Variants in MARCHF4 observed in about 807,000 individuals in gnomAD.
MARCHF4 encodes the protein membrane associated ring-CH-type finger 4, also known as E3 ubiquitin-protein ligase MARCHF4.
Under a neutral mutation model 43.9 loss-of-function variants are expected in MARCHF4, and 14 were observed. That is an observed-to-expected ratio of 0.32 (90% CI 0.21 to 0.50). The LOEUF is 0.50. Ranked by LOEUF, MARCHF4 falls within the 20% of genes least tolerant of loss-of-function variation. The pLI is 0.98. For missense variants in MARCHF4, 468 were observed against 536.7 expected, an observed-to-expected ratio of 0.87 and a Z score of 1.27; for synonymous variants, 226 against 213.3, an observed-to-expected ratio of 1.06 and a Z score of -0.52.
chr2:216,295,373 C>T (rs1285458468), intron 1 of MARCHF4, among the ~76,000 whole-genome samples: 3 of 152,166 alleles, frequency 2.0e-5, no homozygotes, highest in Non-Finnish European at 2.9e-5. Context: ...GCTATCCTCC[C>T]GCCTCAGCCT....
intron 1 of MARCHF4, among the ~76,000 whole-genome samples, chr2:216,301,555 T>C (rs896745491): frequency 6.6e-6 from 1 of 152,352 alleles, no homozygotes; most frequent in Non-Finnish European, 1.5e-5. Flanking sequence ...TACTGTTGTT[T>C]CAGAGCAATG....
At chr2:216,334,550 G>T (rs1692129794) in intron 1 of MARCHF4, among the ~76,000 whole-genome samples, 1 of 151,988 alleles carries the variant, frequency 6.6e-6, no homozygotes, top group Non-Finnish European at 1.5e-5. Context: ...ACAGTTGCAG[G>T]CCACCATGCC....
At chr2:216,280,676 C>A (rs1691112977) in intron 2 of MARCHF4, among the ~76,000 whole-genome samples, 1 of 152,146 alleles carries the variant, frequency 6.6e-6, no homozygotes, top group African/African-American at 2.4e-5. Flanking sequence ...AGGAGTCAGA[C>A]CCCCACATCT....
chr2:216,357,022 CAA>C (rs374187959), intron 1 of MARCHF4, among the ~76,000 whole-genome samples: 5 of 133,418 alleles, frequency 3.7e-5, no homozygotes, highest in Admixed American at 7.6e-5. Flanking sequence ...GACTCTGTCT[CAA>C]AAAAAAAAAA....
At chr2:216,358,909 T>C (rs1451417096) in intron 1 of MARCHF4, among the ~76,000 whole-genome samples, 2 of 152,120 alleles carry the variant, frequency 1.3e-5, no homozygotes, top group African/African-American at 2.4e-5. Flanking sequence ...CTGTGTACCA[T>C]CTGTTGCCCT....
chr2:216,271,939 C>T (rs987283507), intron 3 of MARCHF4, among the ~76,000 whole-genome samples: 1 of 149,762 alleles, frequency 6.7e-6, no homozygotes, highest in South Asian at 2.1e-4. Flanking sequence ...TACAGGTGCA[C>T]ACCACCACAC....
intron 1 of MARCHF4, among the ~76,000 whole-genome samples, chr2:216,352,256 C>T (rs949356658): frequency 2.0e-5 from 3 of 152,170 alleles, no homozygotes; most frequent in African/African-American, 7.2e-5. Context: ...CTCCTGTGTC[C>T]CCCTTCCTCA....
At chr2:216,357,338 T>G (rs1328905811) in intron 1 of MARCHF4, among the ~76,000 whole-genome samples, 1 of 151,922 alleles carries the variant, frequency 6.6e-6, no homozygotes, top group African/African-American at 2.4e-5. Context: ...CACACACAAT[T>G]TTTTGACATG....
At chr2:216,310,723 G>C (rs1216200200) in intron 1 of MARCHF4, among the ~76,000 whole-genome samples, 1 of 152,140 alleles carries the variant, frequency 6.6e-6, no homozygotes, top group Non-Finnish European at 1.5e-5. Flanking sequence ...ATGTATTCCA[G>C]CTACTCTTCA....
intron 1 of MARCHF4, among the ~76,000 whole-genome samples, chr2:216,289,738 T>G (rs1691277240): frequency 6.6e-6 from 1 of 152,198 alleles, no homozygotes; most frequent in Admixed American, 6.5e-5. Flanking sequence ...TAGAAAGAAA[T>G]AAATACAGTC....
chr2:216,295,938 G>A (rs1405527912), intron 1 of MARCHF4, among the ~76,000 whole-genome samples: 1 of 152,196 alleles, frequency 6.6e-6, no homozygotes, highest in Non-Finnish European at 1.5e-5. Context: ...ACGTGGTCAG[G>A]AGTTCGAGAC....
At chr2:216,333,840 A>T (rs765071921) in intron 1 of MARCHF4, among the ~76,000 whole-genome samples, 2 of 152,176 alleles carry the variant, frequency 1.3e-5, no homozygotes, top group Non-Finnish European at 2.9e-5. Context: ...AACTGACCAC[A>T]GCCTGGAGCC....
intron 1 of MARCHF4, among the ~76,000 whole-genome samples, chr2:216,319,761 G>A (rs988754028): frequency 6.6e-6 from 1 of 152,140 alleles, no homozygotes; most frequent in Non-Finnish European, 1.5e-5. Context: ...ATCTACACTA[G>A]ATGCTGGGAT....
intron 1 of MARCHF4, among the ~76,000 whole-genome samples, chr2:216,333,321 A>G (rs1018961686): frequency 2.0e-5 from 3 of 152,260 alleles, no homozygotes; most frequent in African/African-American, 7.2e-5. Flanking sequence ...CTGTAGAAAA[A>G]TGAGTAAAAG....
intron 3 of MARCHF4, among the ~76,000 whole-genome samples, chr2:216,266,705 TC>T (rs938296181): frequency 6.6e-6 from 1 of 152,030 alleles, no homozygotes; most frequent in Admixed American, 6.6e-5. Context: ...CAGATTCCAC[TC>T]CTCCAGTGCC....
chr2:216,311,569 CT>C (rs1177578516), intron 1 of MARCHF4, among the ~76,000 whole-genome samples: 1 of 152,154 alleles, frequency 6.6e-6, no homozygotes, highest in Non-Finnish European at 1.5e-5. Context: ...TAAATCATGT[CT>C]TTATTGTTAA....
In MARCHF4 at chr2:216,371,290, C is replaced by A. The variant is rs916763124; in HGVS notation, c.-1030G>T. 1.3e-5 allele frequency: 2 copies of A among 153,040 alleles called. No individual in the cohort carries two copies. The highest frequency in any genetic ancestry group is 4.8e-5 in the African/African-American group (2 of 41,472). 9.5% of individuals were successfully genotyped at this position (153,040 alleles called of 1,614,324 possible). A position where few individuals can be genotyped will look rare whatever the true frequency, so the allele number is the denominator to read the frequency against. ...TTACATTATCTCAGCCCCCAGCCCA[C>A]CCCTGCTGCAGTCGGCAAATCCGTG... On this transcript the variant is annotated 5_prime_UTR_variant, in exon 1 of 4. Coordinates refer to ENST00000273067, the MANE Select transcript of MARCHF4 (RefSeq NM_020814.3).
chr2:216,323,206 CT>C (rs1458963165), intron 1 of MARCHF4, among the ~76,000 whole-genome samples: 1 of 152,062 alleles, frequency 6.6e-6, no homozygotes. Context: ...TAATTTTCTC[CT>C]TTTTTGCAAT....
intron 1 of MARCHF4, among the ~76,000 whole-genome samples, chr2:216,302,418 C>T (rs1312476644): frequency 4.0e-5 from 6 of 148,932 alleles, no homozygotes; most frequent in African/African-American, 7.4e-5. Flanking sequence ...TTAGTAGAGA[C>T]GGGGTTTCAC....
Sources: allele counts gnomAD v4.1 joint callset (sites outside exome capture counted in the v4.1 genomes callset), GRCh38; gene constraint gnomAD v4.1.1; transcripts MANE v1.5; gene names NCBI Gene and HGNC (gene_info 2026-07-23, HGNC 2026-07-21).